ABHD16A: variants seen among roughly 807,000 people sequenced by gnomAD.
ABHD16A encodes the protein abhydrolase domain containing 16A, phospholipase, also known as phosphatidylserine lipase ABHD16A.
Under a neutral mutation model 89.8 loss-of-function variants are expected in ABHD16A, and 47 were observed. The ratio of observed to expected loss-of-function variants is 0.52; its 90% CI spans 0.41 to 0.67. ABHD16A has a LOEUF of 0.67. ABHD16A is among the 30% of genes least tolerant of loss of function. The probability of loss-of-function intolerance (pLI) is 0.00; values close to 1 mark genes in which losing one functional copy is unlikely to be tolerated. For synonymous variants in ABHD16A, 251 were observed against 280.4 expected (o/e 0.90, Z 1.05); for missense variants, 580 against 734.6 (o/e 0.79, Z 2.43).
At position 31,693,364 on chromosome 6, in the gene ABHD16A, G is replaced by A. The variant is rs755703539; in HGVS notation, c.498C>T (p.Ser166=). ...WPVDFHWEEP[S]SRKESRGGPS... ...CAAAAGAACTGGGGCCTCACCGGCT[G>A]CTGGGTTCTTCCCAGTGGAAGTCGA... The change falls in exon 6 of 20, where the codon AGC becomes AGT. Residue 166 remains serine, a synonymous_variant. Transcript: ENST00000395952. The surrounding 1 kb of genome is among the most constrained non-coding windows in gnomAD (Gnocchi z 5.0). 5 of 1,612,956 alleles carry A rather than the reference G, an allele frequency of 3.1e-6. No individual in the cohort carries two copies. In the South Asian group the frequency reaches 5.5e-5, roughly 18 times the overall value.
chr6:31,689,561 G>A lies in ABHD16A; in HGVS notation c.1081+20C>T. 1.9e-6 allele frequency: 3 copies of A among 1,568,020 alleles called. No homozygotes were observed. The highest frequency in any genetic ancestry group is 2.6e-6 in the Non-Finnish European group (3 of 1,156,940). ...GGTCATGAATGTGTCTACAGTGGGG[G>A]ATGGGAGGGAGGCTGGTACCAGTGA... On this transcript the variant is annotated intron_variant, in intron 12 of 19. Transcript: ENST00000395952.
chr6:31,692,896 A>G (rs1420088993), intron 7 of ABHD16A, 131 bp downstream of exon 7: 2 of 1,268,710 alleles, frequency 1.6e-6, no homozygotes, highest in African/African-American at 1.5e-5. Flanking sequence ...TTTGCCATAA[A>G]TGATCTACAC....
At chr6:31,691,431 T>A in intron 9 of ABHD16A, 148 bp downstream of exon 9, 1 of 664,774 alleles carries the variant, frequency 1.5e-6, no homozygotes, top group South Asian at 1.9e-5. Context: ...AGGGTTTCAC[T>A]ACATCACAAG....
rs143100378 is a variant in ABHD16A at position 31,687,617 on chromosome 6, C to T, written c.1546+25G>A. 1 of 1,612,974 alleles carries T rather than the reference C, an allele frequency of 6.2e-7. No homozygotes were observed. The highest frequency in any genetic ancestry group is 8.5e-7 in the Non-Finnish European group (1 of 1,179,980). On this transcript the variant is annotated intron_variant, in intron 18 of 19. Coordinates refer to ENST00000395952, the MANE Select transcript of ABHD16A (RefSeq NM_021160.3). This position sits in a 1 kb window ranked among gnomAD's most constrained non-coding sequence, Gnocchi z 6.3. ...CCCCTTCCTAGGCCCTTCCCACCCT[C>T]TCTCCTGCCCCAGGAGCTCCTTACC...
Position 31,701,314 on chromosome 6 carries a change from A to G in ABHD16A, c.216T>C (p.Tyr72=). The G allele has an allele frequency of 6.2e-7, 1 of 1,613,648 alleles. No homozygotes were observed. Among genetic ancestry groups the G allele is most frequent in the Non-Finnish European group, 8.5e-7 (1 of 1,179,780 alleles). The change falls in exon 3 of 20, where the codon TAT becomes TAC. Residue 72 remains tyrosine, a synonymous_variant. Coordinates refer to ENST00000395952, the MANE Select transcript of ABHD16A (RefSeq NM_021160.3). ...ALASVFWSIS[Y]YSSPFAFFYL... ...AGAAGAAGGCGAAGGGAGAGGAGTA[A>G]TAAGAGATGGACCAGAATACTGAAG...
intron 12 of ABHD16A, 57 bp downstream of exon 12, chr6:31,689,524 G>T: frequency 6.8e-7 from 1 of 1,480,324 alleles, no homozygotes; most frequent in East Asian, 2.6e-5. Flanking sequence ...CCTCTCCCGG[G>T]TGGGGCTGGG....
chr6:31,703,025 T>G (rs1427210068), intron 1 of ABHD16A, 125 bp downstream of exon 1: 1 of 1,361,286 alleles, frequency 7.3e-7, no homozygotes, highest in Non-Finnish European at 9.5e-7. Context: ...GAGCGCAGAT[T>G]TTGCGGATAA....
chr6:31,692,951 T>C, intron 7 of ABHD16A, 76 bp downstream of exon 7: 1 of 1,596,044 alleles, frequency 6.3e-7, no homozygotes, highest in Non-Finnish European at 8.6e-7. Context: ...TATTTTACAA[T>C]GGAGCGCCCA....
Position 31,695,655 on chromosome 6 carries a change from G to A in ABHD16A, c.429+1293C>T, listed in dbSNP as rs188726958. 6.9e-3 allele frequency among the ~76,000 whole-genome samples: 1,044 copies of A among 151,352 alleles called. 29 individuals are homozygous for A. In the South Asian group the frequency reaches 0.09, roughly 13 times the overall value. The stretch of plus-strand genomic sequence containing the variant: ...GGAGAATCGCTTGAACCCAGGAGGC[G>A]GAGGTTGCAGTGAGCTGGAATCATG... On this transcript the variant is annotated intron_variant, in intron 5 of 19. Transcript: ENST00000395952.
chr6:31,688,917 G>C lies in ABHD16A; in HGVS notation c.1186+98C>G. 7.1e-7 allele frequency: 1 copy of C among 1,413,064 alleles called. No homozygotes were observed. The highest frequency in any genetic ancestry group is 9.7e-7 in the Non-Finnish European group (1 of 1,026,554). 87.5% of individuals were successfully genotyped at this position (1,413,064 alleles called of 1,614,324 possible). On this transcript the variant is annotated intron_variant, in intron 13 of 19. Transcript: ENST00000395952. The surrounding 1 kb of genome is among the most constrained non-coding windows in gnomAD (Gnocchi z 4.9). ...GTCCTCCTGCTTCCAACAATGGGGC[G>C]ACTTACTCCCCACCCAAGAAAAGGG...
chr6:31,699,577 C>CT (rs1300386287), intron 4 of ABHD16A, among the ~76,000 whole-genome samples: 1 of 151,840 alleles, frequency 6.6e-6, no homozygotes, highest in African/African-American at 2.4e-5. Flanking sequence ...ATCTGCATTG[C>CT]TTTTGTTTAT....
Position 31,687,486 on chromosome 6 carries a change from T to G in ABHD16A, c.1593+12A>C. The stretch of plus-strand genomic sequence containing the variant: ...TTCAAGAACCCTTCCCACTTCCCAC[T>G]CCTTAGCTCACCAGAAACAAAGCCA... On this transcript the variant is annotated intron_variant, in intron 19 of 19. Coordinates refer to ENST00000395952, the MANE Select transcript of ABHD16A (RefSeq NM_021160.3). The surrounding 1 kb of genome is among the most constrained non-coding windows in gnomAD (Gnocchi z 6.3). The G allele has an allele frequency of 1.2e-6, 2 of 1,612,936 alleles. No individual in the cohort carries two copies. Among genetic ancestry groups the G allele is most frequent in the Non-Finnish European group, 8.5e-7 (1 of 1,179,970 alleles).
At chr6:31,700,593 T>C (rs780611033) in intron 4 of ABHD16A, among the ~76,000 whole-genome samples, 1 of 152,196 alleles carries the variant, frequency 6.6e-6, no homozygotes, top group Non-Finnish European at 1.5e-5. Flanking sequence ...GTAGGGTATA[T>C]GCATCTTTTC....
rs372698997 is a variant in ABHD16A at position 31,687,601 on chromosome 6, A to G, written c.1546+41T>C. 1.2e-6 allele frequency: 2 copies of G among 1,612,774 alleles called. No homozygotes were observed. The highest frequency in any genetic ancestry group is 1.3e-5 in the African/African-American group (1 of 74,936). On this transcript the variant is annotated intron_variant, in intron 18 of 19. Transcript: ENST00000395952. This position sits in a 1 kb window ranked among gnomAD's most constrained non-coding sequence, Gnocchi z 6.3. ...ACATCTGGGTATTCATCCCCTTCCT[A>G]GGCCCTTCCCACCCTCTCTCCTGCC...
chr6:31,689,204 T>C (rs575996404), intron 12 of ABHD16A, 85 bp from the exon 13 acceptor site: 13 of 1,219,670 alleles, frequency 1.1e-5, no homozygotes, highest in African/African-American at 1.1e-4. Flanking sequence ...ACTGACCCTA[T>C]AGGCCAACCC....
chr6:31,702,847 C>CCGGGACT, intron 1 of ABHD16A: 4 of 1,378,226 alleles, frequency 2.9e-6, no homozygotes, highest in Non-Finnish European at 3.8e-6. Flanking sequence ...GGGTCTCTTC[C>CCGGGACT]CGGGACTCAA....
chr6:31,692,218 A>G, intron 7 of ABHD16A: 1 of 331,264 alleles, frequency 3.0e-6, no homozygotes, highest in Non-Finnish European at 5.5e-6. Flanking sequence ...AAGTAAATGC[A>G]AAGTTATCAT....
chr6:31,702,051 C>A (rs776922924), intron 2 of ABHD16A, 23 bp downstream of exon 2: 1 of 1,612,966 alleles, frequency 6.2e-7, no homozygotes, highest in Admixed American at 1.7e-5. Flanking sequence ...GATGCAGAGT[C>A]CCAGATGCCA....
intron 4 of ABHD16A, among the ~76,000 whole-genome samples, chr6:31,699,536 T>G (rs1472626802): frequency 6.7e-6 from 1 of 149,700 alleles, no homozygotes; most frequent in Non-Finnish European, 1.5e-5. Flanking sequence ...GTGGTTAGCT[T>G]CTTCTATTTA....
Sources: allele counts gnomAD v4.1 joint callset (sites outside exome capture counted in the v4.1 genomes callset), GRCh38; gene constraint gnomAD v4.1.1; non-coding constraint Gnocchi (gnomAD v3.1); transcripts MANE v1.5; gene names NCBI Gene and HGNC (gene_info 2026-07-23, HGNC 2026-07-21).